C2CD2: variants seen among roughly 807,000 people sequenced by gnomAD.
The protein encoded by C2CD2 is C2 domain-containing protein 2.
A neutral mutation model predicts 74.3 loss-of-function variants in C2CD2; 43 were observed. The observed-to-expected ratio is 0.58, with a 90% CI of 0.45 to 0.75. C2CD2 has a LOEUF of 0.75. Among genes scored for constraint, C2CD2 ranks in the 30% least tolerant of loss-of-function variants. The pLI, the probability that C2CD2 is intolerant of heterozygous loss-of-function variation, is 0.00. For synonymous variants in C2CD2, 422 were observed against 390.7 expected (o/e 1.08, Z -0.94); for missense variants, 801 against 916.3 (o/e 0.87, Z 1.63).
At position 41,901,837 on chromosome 21, in the gene C2CD2, G is replaced by A. The variant is rs75845516; in HGVS notation, c.1433-88C>T. 11,272 of 1,160,752 alleles carry A rather than the reference G, an allele frequency of 9.7e-3. 739 individuals are homozygous for A. The African/African-American group carries it at 0.15, about 15-fold the overall frequency. 71.9% of individuals were successfully genotyped at this position (1,160,752 alleles called of 1,614,324 possible). A position where few individuals can be genotyped will look rare whatever the true frequency, so the allele number is the denominator to read the frequency against. ...CAGGGATAATGGAAATGGTCGATAA[G>A]CAATGGTTAGCAGATATTTTCTAAA... On this transcript the variant is annotated intron_variant, in intron 11 of 13. Coordinates refer to ENST00000380486, the MANE Select transcript of C2CD2 (RefSeq NM_015500.2).
At chr21:41,941,980 C>T (rs2065357937) in intron 2 of C2CD2, 167 bp downstream of exon 2, 5 of 427,158 alleles carry the variant, frequency 1.2e-5, no homozygotes, top group South Asian at 9.7e-5. Context: ...ATTATGTGGA[C>T]GGATCACACT....
chr21:41,894,557 G>C, intron 13 of C2CD2: 1 of 437,408 alleles, frequency 2.3e-6, no homozygotes, highest in South Asian at 1.6e-5. Flanking sequence ...CCCTGGGGAG[G>C]AGACTCCGGA....
chr21:41,914,436 G>C (rs1294149179), intron 6 of C2CD2, among the ~76,000 whole-genome samples, 162 bp downstream of exon 6: 1 of 152,086 alleles, frequency 6.6e-6, no homozygotes, highest in Admixed American at 6.6e-5. Flanking sequence ...ACCATCTCTT[G>C]TTCCCGTTAC....
intron 2 of C2CD2, among the ~76,000 whole-genome samples, chr21:41,933,578 T>C (rs1427986530): frequency 6.6e-6 from 1 of 152,240 alleles, no homozygotes; most frequent in Non-Finnish European, 1.5e-5. Flanking sequence ...AAATGTGTCA[T>C]GTTTGGCCAA....
chr21:41,920,524 T>G (rs953002658), intron 3 of C2CD2, among the ~76,000 whole-genome samples: 1 of 152,184 alleles, frequency 6.6e-6, no homozygotes, highest in Admixed American at 6.5e-5. Flanking sequence ...CTGGTAATTC[T>G]AGGAAAAAAA....
chr21:41,919,467 T>C (rs1391564112), intron 3 of C2CD2, among the ~76,000 whole-genome samples: 5 of 152,220 alleles, frequency 3.3e-5, no homozygotes, highest in Admixed American at 1.3e-4. Context: ...AACCTCAGCA[T>C]TGGTGGTCGA....
intron 2 of C2CD2, among the ~76,000 whole-genome samples, chr21:41,936,665 G>A (rs2065309631): frequency 6.6e-6 from 1 of 151,970 alleles, no homozygotes; most frequent in African/African-American, 2.4e-5. Flanking sequence ...TCCCACCTCT[G>A]CCACCCCTGC....
chr21:41,907,210 G>C, intron 9 of C2CD2, 44 bp from the exon 10 acceptor site: 1 of 1,544,774 alleles, frequency 6.5e-7, no homozygotes. Context: ...TGTGGAAGTT[G>C]CCCAGGCTGA....
In C2CD2 at chr21:41,918,202, A is replaced by G. The variant is rs748997884; in HGVS notation, c.623T>C (p.Met208Thr). 2.5e-6 allele frequency: 4 copies of G among 1,614,190 alleles called. No homozygotes were observed. Among genetic ancestry groups the G allele is most frequent in the Non-Finnish European group, 3.4e-6 (4 of 1,180,012 alleles). The stretch of plus-strand genomic sequence containing the variant: ...CAAGATGTCCTTGAGAACGTCAGAC[A>G]TCGCACTTGTCTCAGCCACCTGGTC... ...GEDQVAETSA[M>T]SDVLKDILKH... The change falls in exon 5 of 14, where the codon ATG becomes ACG. Residue 208 changes from methionine to threonine, a missense_variant. By Grantham distance (81) the Met-to-Thr change is moderately conservative. Coordinates refer to ENST00000380486, the MANE Select transcript of C2CD2 (RefSeq NM_015500.2).
intron 6 of C2CD2, 66 bp downstream of exon 6, chr21:41,914,532 A>T: frequency 6.8e-7 from 1 of 1,469,254 alleles, no homozygotes; most frequent in Non-Finnish European, 9.2e-7. Flanking sequence ...GGCCCCCCGG[A>T]GCCCCCGACT....
intron 10 of C2CD2, among the ~76,000 whole-genome samples, chr21:41,906,407 C>T (rs996079912): frequency 3.9e-5 from 6 of 152,186 alleles, no homozygotes; most frequent in Admixed American, 3.3e-4. Context: ...CTCTTGTTGT[C>T]CAGGCTGTAG....
chr21:41,923,523 C>G lies in C2CD2; in HGVS notation c.379-1438G>C, dbSNP rs2065178055. On this transcript the variant is annotated intron_variant, in intron 2 of 13. Coordinates refer to ENST00000380486, the MANE Select transcript of C2CD2 (RefSeq NM_015500.2). This position sits in a 1 kb window ranked among gnomAD's most constrained non-coding sequence, Gnocchi z 5.8. ...TCCACCTAAATAATTTCGAGGCGAT[C>G]ATGGTTTTCAAAAAGGTGGGAGTAA... Among the ~76,000 whole-genome samples the G allele has an allele frequency of 6.6e-6, 1 of 152,096 alleles. No individual in the cohort carries two copies. The highest frequency in any genetic ancestry group is 1.9e-4 in the East Asian group (1 of 5,194).
chr21:41,910,140 C>T (rs565879927), intron 7 of C2CD2, among the ~76,000 whole-genome samples: 1 of 152,238 alleles, frequency 6.6e-6, no homozygotes, highest in South Asian at 2.1e-4. Flanking sequence ...AGCCTGTAAC[C>T]TATTCTTTTA....
At chr21:41,938,034 C>A (rs139705831) in intron 2 of C2CD2, among the ~76,000 whole-genome samples, 227 of 152,096 alleles carry the variant, frequency 1.5e-3, no homozygotes, top group African/African-American at 5.1e-3. Context: ...TATTGCATAC[C>A]GTGGTGACTA....
At chr21:41,915,834 T>G (rs1331663106) in intron 5 of C2CD2, among the ~76,000 whole-genome samples, 1 of 152,214 alleles carries the variant, frequency 6.6e-6, no homozygotes, top group African/African-American at 2.4e-5. Context: ...TTAGGGTACA[T>G]GTGCACAACG....
At chr21:41,916,599 C>T (rs550020397) in intron 5 of C2CD2, among the ~76,000 whole-genome samples, 19 of 151,874 alleles carry the variant, frequency 1.3e-4, no homozygotes, top group Admixed American at 2.6e-4. Flanking sequence ...CAGACTCTCC[C>T]GGGGCTGCAG....
intron 1 of C2CD2, among the ~76,000 whole-genome samples, chr21:41,944,780 CTT>C (rs1467919143): frequency 2.6e-5 from 4 of 152,134 alleles, no homozygotes; most frequent in Non-Finnish European, 4.4e-5. Flanking sequence ...TAAAGGAAGA[CTT>C]TGTGTCCACA....
chr21:41,900,235 C>T (rs1179119634), intron 12 of C2CD2, among the ~76,000 whole-genome samples: 5 of 152,114 alleles, frequency 3.3e-5, no homozygotes, highest in African/African-American at 4.8e-5. Context: ...GATTACGCCA[C>T]TGCACTCCAG....
At chr21:41,891,830 C>T (rs1023802180) in intron 13 of C2CD2, among the ~76,000 whole-genome samples, 1 of 152,050 alleles carries the variant, frequency 6.6e-6, no homozygotes, top group South Asian at 2.1e-4. Context: ...AACCACAGAC[C>T]CAAGGACTCA....
Sources: allele counts gnomAD v4.1 joint callset (sites outside exome capture counted in the v4.1 genomes callset), GRCh38; gene constraint gnomAD v4.1.1; non-coding constraint Gnocchi (gnomAD v3.1); transcripts MANE v1.5; gene names NCBI Gene and HGNC (gene_info 2026-07-23, HGNC 2026-07-21).